ABCG8: variants seen among roughly 807,000 people sequenced by gnomAD.
The protein encoded by ABCG8 is ATP binding cassette subfamily G member 8.
In ABCG8, 81 loss-of-function variants were observed where a neutral mutation model predicts 71.3. The ratio of observed to expected loss-of-function variants is 1.14; its 90% CI spans 0.95 to 1.37. The LOEUF is 1.37. Among genes scored for constraint, ABCG8 ranks in the 40% most tolerant of loss-of-function variants. The pLI, the probability that ABCG8 is intolerant of heterozygous loss-of-function variation, is 0.00. For missense variants in ABCG8, 1,119 were observed against 866.2 expected, an observed-to-expected ratio of 1.29 and a Z score of -3.66; for synonymous variants, 451 against 354.7, an observed-to-expected ratio of 1.27 and a Z score of -3.05.
rs934115584 is a variant in ABCG8, at chr2:43,844,505, A to G, written c.64-2A>G. The G allele has an allele frequency of 2.1e-5, 34 of 1,612,800 alleles. No homozygotes were observed. Among genetic ancestry groups the G allele is most frequent in the Non-Finnish European group, 2.9e-5 (34 of 1,178,950 alleles). On this transcript the variant is annotated splice_acceptor_variant, in intron 1 of 12. Transcript: ENST00000272286. LOFTEE classifies it high-confidence loss of function. ...GCCCCTCATCTCTCCTGTCTCCCACAGGGCCTCCAGGATAGATTGTTCTCC... is the reference window on the plus strand; with the variant it reads ...GCCCCTCATCTCTCCTGTCTCCCACGGGGCCTCCAGGATAGATTGTTCTCC...
chr2:43,839,084 C>T lies in ABCG8; in HGVS notation c.31C>T (p.Leu11=), dbSNP rs1016895349. 4 of 1,551,260 alleles carry T rather than the reference C, an allele frequency of 2.6e-6. No homozygotes were observed. In the Admixed American group the frequency reaches 5.9e-5, roughly 23 times the overall value. Residue 11 remains leucine, a synonymous_variant, in exon 1 of 13, where the codon CTG becomes TTG. Coordinates refer to ENST00000272286, the MANE Select transcript of ABCG8 (RefSeq NM_022437.3). ...CGGGAAGGCGGCAGAGGAGAGAGGG[C>T]TGCCGAAAGGGGCCACTCCCCAGGA... is the stretch of plus-strand genomic sequence containing the variant. The part of the protein sequence containing the change: MAGKAAEERG[L]PKGATPQDTS...
Position 43,872,299 on chromosome 2 carries a change from C to A in ABCG8, c.1204C>A (p.Leu402Met), listed in dbSNP as rs1421126105. ...MPGAVQQFTT[L>M]IRRQISNDFR... ...TGGGGCGGTGCAGCAGTTTACGACG[C>A]TGATCCGGTAATTATCTGTCATTTT... The change falls in exon 8 of 13, where the codon CTG (leucine) becomes ATG (methionine). Residue 402 changes from leucine to methionine, a missense_variant. Transcript: ENST00000272286. 6.2e-7 allele frequency: 1 copy of A among 1,613,732 alleles called. No individual in the cohort carries two copies. Among genetic ancestry groups the A allele is most frequent in the Admixed American group, 1.7e-5 (1 of 59,988 alleles).
chr2:43,873,900 A>C lies in ABCG8; in HGVS notation c.1325A>C (p.Gln442Pro). ...GFLYFGHGSI[Q>P]LSFMDTAALL... ...CTCTATTTTGGCCATGGGAGCATCC[A>C]GCTCTCCTTCATGGATACAGCCGCC... The change falls in exon 9 of 13, where the codon CAG becomes CCG. Residue 442 changes from glutamine (Q) to proline (P), a missense_variant. Physicochemically the swap from Gln to Pro is moderately conservative, Grantham distance 76. Transcript: ENST00000272286. 6.2e-7 allele frequency: 1 copy of C among 1,613,960 alleles called. No individual in the cohort carries two copies. The highest frequency in any genetic ancestry group is 8.5e-7 in the Non-Finnish European group (1 of 1,179,996).
At chr2:43,860,647 C>A (rs758503684) in intron 6 of ABCG8, among the ~76,000 whole-genome samples, 3 of 149,462 alleles carry the variant, frequency 2.0e-5, no homozygotes, top group Non-Finnish European at 4.5e-5. Context: ...AGAACTCTCG[C>A]TATCTGGATA....
At chr2:43,868,461 G>A (rs1054706139) in intron 6 of ABCG8, among the ~76,000 whole-genome samples, 1 of 151,764 alleles carries the variant, frequency 6.6e-6, no homozygotes, top group Non-Finnish European at 1.5e-5. Flanking sequence ...TATCTATCTG[G>A]ATAGAATTCT....
intron 2 of ABCG8, among the ~76,000 whole-genome samples, chr2:43,845,343 A>G (rs1055705754): frequency 1.2e-4 from 19 of 152,050 alleles, no homozygotes; most frequent in African/African-American, 3.4e-4. Flanking sequence ...GGACAAGCCA[A>G]TGAGCCTTTC....
intron 10 of ABCG8, 48 bp downstream of exon 10, chr2:43,874,531 G>A (rs773636019): frequency 2.0e-6 from 3 of 1,476,358 alleles, no homozygotes; most frequent in Admixed American, 1.7e-5. Context: ...ACCAGGGTGG[G>A]GGTAAGTGTG....
Position 43,839,403 on chromosome 2 carries a change from C to CTTTTTTTTTTTTTTTTTTTT in ABCG8, c.63+309_63+328dup, listed in dbSNP as rs537784677. Among the ~76,000 whole-genome samples, 39 of 59,306 alleles carry CTTTTTTTTTTTTTTTTTTTT rather than the reference C, an allele frequency of 6.6e-4. 8 individuals carry two copies. The highest frequency in any genetic ancestry group is 1.1e-3 in the Admixed American group (4 of 3,502). 38.9% of individuals were successfully genotyped at this position (59,306 alleles called of 152,430 possible). A position where few individuals can be genotyped will look rare whatever the true frequency, so the allele number is the denominator to read the frequency against. On this transcript the variant is annotated intron_variant, in intron 1 of 12. Coordinates refer to ENST00000272286, the MANE Select transcript of ABCG8 (RefSeq NM_022437.3). ...CACTTTTTCTTTTTTCTTTTCTTCT[C>CTTTTTTTTTTTTTTTTTTTT]TTTTTTTTTTTTTTTTTTTTTTTTT...
At chr2:43,853,689 C>T (rs915184533) in intron 6 of ABCG8, among the ~76,000 whole-genome samples, 1 of 152,332 alleles carries the variant, frequency 6.6e-6, no homozygotes, top group East Asian at 1.9e-4. Flanking sequence ...TCCTGTTTGA[C>T]TCTCAAGCCC....
rs944439375 is a variant in ABCG8, at chr2:43,881,078, CTCCCCAGGTAAT to C, written c.*3168_*3179del. ...AGAGGACATTGGTAGCTTGCCTTAA[CTCCCCAGGTAAT>C]TCTAATGTGCAGTGATTGACAGCCA... On this transcript the variant is annotated 3_prime_UTR_variant, in exon 13 of 13. Transcript: ENST00000272286. 5 of 152,302 alleles carry C rather than the reference CTCCCCAGGTAAT, an allele frequency of 3.3e-5. No homozygotes were observed. Among genetic ancestry groups the C allele is most frequent in the Admixed American group, 2.0e-4 (3 of 15,286 alleles). 9.4% of individuals were successfully genotyped at this position (152,302 alleles called of 1,614,324 possible).
rs1415059005 is a variant in ABCG8, at chr2:43,874,441, G to A, written c.1446G>A (p.Leu482=). The change falls in exon 10 of 13, where the codon CTG becomes CTA. Residue 482 remains leucine (L), a synonymous_variant. Coordinates refer to ENST00000272286, the MANE Select transcript of ABCG8 (RefSeq NM_022437.3). ...AGAGGGCAATGCTTTACTATGAACTGGAAGACGGGCTGTACACCACTGGTC... is the reference window on the plus strand; with the variant it reads ...AGAGGGCAATGCTTTACTATGAACTAGAAGACGGGCTGTACACCACTGGTC... ...YSERAMLYYE[L]EDGLYTTGPY... is the part of the protein sequence containing the mutation. 6.2e-7 allele frequency: 1 copy of A among 1,613,898 alleles called. No homozygotes were observed. The highest frequency in any genetic ancestry group is 1.1e-5 in the South Asian group (1 of 91,076).
intron 3 of ABCG8, among the ~76,000 whole-genome samples, chr2:43,850,640 A>G (rs1668883485): frequency 6.6e-6 from 1 of 152,204 alleles, no homozygotes; most frequent in Admixed American, 6.5e-5. Flanking sequence ...TTTTTTAAAA[A>G]AGAGTATTAA....
chr2:43,842,751 T>G (rs1668619713), intron 1 of ABCG8, among the ~76,000 whole-genome samples: 1 of 150,260 alleles, frequency 6.7e-6, no homozygotes, highest in South Asian at 2.2e-4. Context: ...AGATAACCCC[T>G]CTCCTGAATT....
Position 43,839,065 on chromosome 2 carries a change from G to A in ABCG8, c.12G>A (p.Lys4=), listed in dbSNP as rs1226302403. Residue 4 remains lysine (K), a synonymous_variant, in exon 1 of 13, where the codon AAG becomes AAA. Transcript: ENST00000272286. MAG[K]AAEERGLPKG... ...GACCTGTGGGCCCCATGGCCGGGAA[G>A]GCGGCAGAGGAGAGAGGGCTGCCGA... 2.6e-6 allele frequency: 4 copies of A among 1,551,134 alleles called. No homozygotes were observed. The Admixed American group carries it at 7.8e-5, about 30-fold the overall frequency.
At chr2:43,861,383 T>G (rs1454019814) in intron 6 of ABCG8, among the ~76,000 whole-genome samples, 1 of 151,060 alleles carries the variant, frequency 6.6e-6, no homozygotes, top group Non-Finnish European at 1.5e-5. Flanking sequence ...TCTGGATAGA[T>G]CTCTCACTAT....
At chr2:43,844,479 A>G in intron 1 of ABCG8, 28 bp from the exon 2 acceptor site, 1 of 1,569,324 alleles carries the variant, frequency 6.4e-7, no homozygotes, top group Non-Finnish European at 8.8e-7. Context: ...CTTCTAAAGG[A>G]GCCCCTCATC....
intron 10 of ABCG8, among the ~76,000 whole-genome samples, chr2:43,874,793 G>A (rs1669903850): frequency 6.6e-6 from 1 of 152,154 alleles, no homozygotes; most frequent in South Asian, 2.1e-4. Flanking sequence ...AGCAGGCCAG[G>A]CAGGTGTTTC....
intron 6 of ABCG8, among the ~76,000 whole-genome samples, chr2:43,867,087 A>G (rs1052987891): frequency 2.0e-5 from 3 of 151,878 alleles, no homozygotes; most frequent in African/African-American, 7.2e-5. Flanking sequence ...TCAGTAAACT[A>G]TCGCAAGAAC....
chr2:43,853,629 A>G (rs1272287489), intron 6 of ABCG8, among the ~76,000 whole-genome samples: 1 of 152,202 alleles, frequency 6.6e-6, no homozygotes, highest in Non-Finnish European at 1.5e-5. Context: ...AACAGCGATC[A>G]TCTCCTTGAA....
Sources: gnomAD v4.1 joint callset for allele counts (sites outside exome capture counted in the v4.1 genomes callset) on GRCh38, gnomAD v4.1.1 for gene constraint, MANE v1.5 for transcripts, NCBI Gene and HGNC (gene_info 2026-07-23, HGNC 2026-07-21) for gene names.